Variants in ARHGAP21 observed in about 807,000 individuals in gnomAD.
ARHGAP21 encodes the protein Rho GTPase activating protein 21.
ARHGAP21 carries 38 observed loss-of-function variants against 164.6 expected under a neutral mutation model. That is an observed-to-expected ratio of 0.23 (90% CI 0.18 to 0.30). The LOEUF (loss-of-function observed/expected upper bound fraction) is 0.30. Among genes scored for constraint, ARHGAP21 ranks in the 10% least tolerant of loss-of-function variants. The probability of loss-of-function intolerance (pLI) is 1.00; values close to 1 mark genes in which losing one functional copy is unlikely to be tolerated. For synonymous variants in ARHGAP21, 766 were observed against 857.9 expected (o/e 0.89, Z 1.87); for missense variants, 1,822 against 2,370.7 (o/e 0.77, Z 4.81).
chr10:24,596,262 C>T (rs982841576), intron 17 of ARHGAP21: 2 of 457,600 alleles, frequency 4.4e-6, no homozygotes, highest in Admixed American at 4.0e-5. Flanking sequence ...AGAGGGACCC[C>T]CAGAGAGATA....
intron 21 of ARHGAP21, among the ~76,000 whole-genome samples, chr10:24,593,350 T>C (rs2076421736): frequency 6.6e-6 from 1 of 152,208 alleles, no homozygotes; most frequent in African/African-American, 2.4e-5. Context: ...ATCCTCCTCT[T>C]AAATCTGTGC....
At chr10:24,626,039 C>T (rs1835108997) in intron 7 of ARHGAP21, among the ~76,000 whole-genome samples, 1 of 152,140 alleles carries the variant, frequency 6.6e-6, no homozygotes, top group South Asian at 2.1e-4. Context: ...CCTTATTATA[C>T]CAGACATGCT....
intron 9 of ARHGAP21, among the ~76,000 whole-genome samples, chr10:24,618,514 C>T (rs938307044): frequency 2.0e-5 from 3 of 152,152 alleles, no homozygotes; most frequent in Non-Finnish European, 4.4e-5. Flanking sequence ...ACAAAGCCTG[C>T]TTGGATAAGA....
intron 4 of ARHGAP21, among the ~76,000 whole-genome samples, chr10:24,652,514 T>C (rs901521761): frequency 2.2e-4 from 33 of 152,116 alleles, no homozygotes; most frequent in Admixed American, 5.2e-4. Context: ...CTTCCCTTTA[T>C]AGAAATTACT....
chr10:24,719,350 A>C (rs1175546612), intron 2 of ARHGAP21, among the ~76,000 whole-genome samples: 1 of 152,172 alleles, frequency 6.6e-6, no homozygotes, highest in Non-Finnish European at 1.5e-5. Context: ...GGAGGCCTAA[A>C]TGTATATCAT....
Position 24,585,530 on chromosome 10 carries a change from A to G in ARHGAP21, c.4759T>C (p.Tyr1587His). ...TATGTAGCAGACGATGTGGTGGAAT[A>G]ATCTGAGGTGATGGTGCTGACGTTG... ...LANVSTITSD[Y>H]STTSSATYLT... is the part of the protein sequence containing the mutation. Residue 1587 changes from tyrosine (Y) to histidine (H), a missense_variant, in exon 26 of 26, where the codon TAT becomes CAT. By Grantham distance (83) the Tyr-to-His change is moderately conservative. Transcript: ENST00000396432. 1 of 1,614,172 alleles carries G rather than the reference A, an allele frequency of 6.2e-7. No individual in the cohort carries two copies. The highest frequency in any genetic ancestry group is 1.3e-5 in the African/African-American group (1 of 75,036).
intron 2 of ARHGAP21, among the ~76,000 whole-genome samples, chr10:24,701,267 G>A (rs1001838952): frequency 3.9e-5 from 6 of 152,150 alleles, no homozygotes; most frequent in African/African-American, 1.4e-4. Flanking sequence ...TAAGCTTGAG[G>A]CCTCTTTGGT....
chr10:24,611,923 C>T (rs1244546667), intron 9 of ARHGAP21, among the ~76,000 whole-genome samples: 1 of 152,074 alleles, frequency 6.6e-6, no homozygotes, highest in East Asian at 1.9e-4. Context: ...GAGGGCAATG[C>T]ATTTCTAGCA....
chr10:24,609,307 T>C lies in ARHGAP21; in HGVS notation c.2423-1404A>G, dbSNP rs1381525835. Among the ~76,000 whole-genome samples the C allele has an allele frequency of 1.3e-5, 2 of 152,346 alleles. 1 individual carries two copies. The highest frequency in any genetic ancestry group is 4.1e-4 in the South Asian group (2 of 4,824). On this transcript the variant is annotated intron_variant, in intron 9 of 25. Transcript: ENST00000396432. Reference sequence around the variant, plus strand: ...TCAAATTTTGTGTCCCTGGATTTCCTGATGGTATTCATTCAATCTCTTCCA... The same window carrying C: ...TCAAATTTTGTGTCCCTGGATTTCCCGATGGTATTCATTCAATCTCTTCCA...
At chr10:24,688,710 T>C (rs995220858) in intron 2 of ARHGAP21, among the ~76,000 whole-genome samples, 1 of 152,182 alleles carries the variant, frequency 6.6e-6, no homozygotes, top group African/African-American at 2.4e-5. Flanking sequence ...TCAGTGAAGG[T>C]TGACTGTCAT....
chr10:24,661,076 T>C (rs1839645229), intron 4 of ARHGAP21, among the ~76,000 whole-genome samples: 1 of 151,508 alleles, frequency 6.6e-6, no homozygotes, highest in East Asian at 1.9e-4. Flanking sequence ...TTTGATTATT[T>C]ATATTCATAA....
intron 5 of ARHGAP21, 123 bp from the exon 6 acceptor site, chr10:24,633,603 C>T (rs1836053418): frequency 3.8e-6 from 2 of 529,548 alleles, no homozygotes. Flanking sequence ...TAATAAAATA[C>T]AGAGTTGTGA....
intron 12 of ARHGAP21, 37 bp from the exon 13 acceptor site, chr10:24,602,140 A>G: frequency 6.3e-7 from 1 of 1,577,822 alleles, no homozygotes; most frequent in Non-Finnish European, 8.6e-7. Context: ...AAATGTCAGC[A>G]TTTTCCTTTA....
At chr10:24,618,912 G>A (rs1834258818) in intron 9 of ARHGAP21, among the ~76,000 whole-genome samples, 1 of 152,020 alleles carries the variant, frequency 6.6e-6, no homozygotes, top group Non-Finnish European at 1.5e-5. Context: ...GGGGTGGGAG[G>A]GAGCAGACAG....
rs1260772842 is a variant in ARHGAP21, at chr10:24,721,879, A to G, written c.21T>C (p.Thr7=). The change falls in exon 2 of 26, where the codon ACT becomes ACC. Residue 7 remains threonine (T), a synonymous_variant. Transcript: ENST00000396432. Reference sequence around the variant, plus strand: ...TGTCACCATCTCCCTCAGACAGACCAGTCCGACGCGTGGCCATCATTTCAT... The same window carrying G: ...TGTCACCATCTCCCTCAGACAGACCGGTCCGACGCGTGGCCATCATTTCAT... MMATRR[T]GLSEGDGDKL... is the part of the protein sequence containing the mutation. 1.9e-6 allele frequency: 3 copies of G among 1,614,246 alleles called. No homozygotes were observed. The highest frequency in any genetic ancestry group is 2.5e-6 in the Non-Finnish European group (3 of 1,180,044).
At chr10:24,628,963 TATATATATATATATATATA>T (rs1385805203) in intron 7 of ARHGAP21, 5 of 14,836 alleles carry the variant, frequency 3.4e-4, no homozygotes, top group African/African-American at 7.2e-4. Flanking sequence ...TATATATATA[TATATATATATATATATATA>T]TTTTTTTTTT....
chr10:24,604,226 T>G, intron 12 of ARHGAP21, 86 bp downstream of exon 12: 1 of 902,866 alleles, frequency 1.1e-6, no homozygotes, highest in East Asian at 3.0e-5. Context: ...GATTATAATA[T>G]TTAAATATTA....
chr10:24,597,662 T>A, intron 15 of ARHGAP21, 79 bp from the exon 16 acceptor site: 1 of 1,552,952 alleles, frequency 6.4e-7, no homozygotes, highest in Non-Finnish European at 8.7e-7. Context: ...TGGTGAGCCA[T>A]GGTCTGAAAA....
intron 2 of ARHGAP21, among the ~76,000 whole-genome samples, chr10:24,709,954 A>G (rs777096661): frequency 2.0e-5 from 3 of 152,236 alleles, no homozygotes; most frequent in Non-Finnish European, 2.9e-5. Context: ...CAAGCTTAAC[A>G]TAAGTCAGTT....
Sources: allele counts gnomAD v4.1 joint callset (sites outside exome capture counted in the v4.1 genomes callset), GRCh38; gene constraint gnomAD v4.1.1; transcripts MANE v1.5; gene names NCBI Gene and HGNC (gene_info 2026-07-23, HGNC 2026-07-21).